Variants in GPR108 observed in about 807,000 individuals in gnomAD.
The protein encoded by GPR108 is G protein-coupled receptor 108.
In GPR108, 60 loss-of-function variants were observed where a neutral mutation model predicts 74.3. The observed-to-expected ratio is 0.81, with a 90% CI of 0.66 to 1.00. The LOEUF is 1.00. Among genes scored for constraint, GPR108 ranks in the 50% least tolerant of loss-of-function variants. The pLI is 0.00. For synonymous variants in GPR108, 311 were observed against 292.4 expected (o/e 1.06, Z -0.65); for missense variants, 667 against 703.3 (o/e 0.95, Z 0.58).
intron 2 of GPR108, among the ~76,000 whole-genome samples, chr19:6,736,390 G>A (rs915416528): frequency 2.0e-5 from 3 of 152,102 alleles, no homozygotes; most frequent in Non-Finnish European, 4.4e-5. Context: ...GAGCCACCGC[G>A]CCCCGCCTGT....
Position 6,732,565 on chromosome 19 carries a change from C to T in GPR108, c.934-16G>A, listed in dbSNP as rs569540051. 4.0e-5 allele frequency: 65 copies of T among 1,607,686 alleles called. No individual in the cohort carries two copies. The highest frequency in any genetic ancestry group is 5.4e-5 in the Non-Finnish European group (63 of 1,175,642). ...AGTAGTTGATCTGGGGGTGGATGGACAGACGGACAGTGAGGCGCACAGAGG... is the reference window on the plus strand; with the variant it reads ...AGTAGTTGATCTGGGGGTGGATGGATAGACGGACAGTGAGGCGCACAGAGG... On this transcript the variant is annotated splice_polypyrimidine_tract_variant and intron_variant, in intron 10 of 17. Transcript: ENST00000264080.
At chr19:6,732,648 G>A in intron 10 of GPR108, 99 bp from the exon 11 acceptor site, 2 of 927,348 alleles carry the variant, frequency 2.2e-6, no homozygotes, top group Non-Finnish European at 3.4e-6. Flanking sequence ...ACCATCAGAT[G>A]GGTGGTCAGA....
intron 4 of GPR108, among the ~76,000 whole-genome samples, chr19:6,735,065 G>T (rs749041850): frequency 3.3e-5 from 5 of 150,556 alleles, no homozygotes; most frequent in Non-Finnish European, 5.9e-5. Flanking sequence ...ACATTTTTTG[G>T]TTTTTTAGTA....
intron 17 of GPR108, chr19:6,730,677 C>A: frequency 1.8e-6 from 1 of 562,674 alleles, no homozygotes; most frequent in Non-Finnish European, 3.2e-6. Flanking sequence ...AGGCCCCACC[C>A]GTTCTACCCG....
intron 17 of GPR108, chr19:6,730,646 AC>A: frequency 3.9e-6 from 1 of 257,346 alleles, no homozygotes. Context: ...GGCCCCGCCC[AC>A]CTTACTGCCA....
Position 6,734,250 on chromosome 19 carries a change from G to A in GPR108, c.432C>T (p.Leu144=). The A allele has an allele frequency of 6.2e-7, 1 of 1,614,184 alleles. No individual in the cohort carries two copies. The highest frequency in any genetic ancestry group is 8.5e-7 in the Non-Finnish European group (1 of 1,180,032). ...GCCCTGGTTTGGAGGGTGCTTCCGG[G>A]AGGAGCCCGGGAAAGATAAACAACG... The part of the protein sequence containing the change: ...QKTLFIFPGL[L]PEAPSKPGLP... The change falls in exon 5 of 18, where the codon CTC becomes CTT. Residue 144 remains leucine, a synonymous_variant. Coordinates refer to ENST00000264080, the MANE Select transcript of GPR108 (RefSeq NM_001080452.2).
In GPR108 at chr19:6,734,282, G is replaced by C; in HGVS notation, c.400C>G (p.Gln134Glu). ...LQVQVRKYGE[Q>E]KTLFIFPGLL... ...CCGGGAAAGATAAACAACGTCTTCT[G>C]CTCTCCATACTTCCGCACCTGGACC... The change falls in exon 5 of 18, where the codon CAG becomes GAG. Residue 134 changes from glutamine to glutamate, a missense_variant. Physicochemically the swap from Gln to Glu is conservative, Grantham distance 29. Coordinates refer to ENST00000264080, the MANE Select transcript of GPR108 (RefSeq NM_001080452.2). 1 of 1,613,928 alleles carries C rather than the reference G, an allele frequency of 6.2e-7. No homozygotes were observed. The highest frequency in any genetic ancestry group is 8.5e-7 in the Non-Finnish European group (1 of 1,179,992).
intron 8 of GPR108, 70 bp from the exon 9 acceptor site, chr19:6,733,371 G>T: frequency 6.6e-7 from 1 of 1,509,420 alleles, no homozygotes; most frequent in Non-Finnish European, 9.1e-7. Flanking sequence ...AGCAGCGAGT[G>T]GGGGTCTCCA....
At chr19:6,731,615 T>C (rs1968406397) in intron 14 of GPR108, 93 bp from the exon 15 acceptor site, 2 of 1,051,168 alleles carry the variant, frequency 1.9e-6, no homozygotes, top group Non-Finnish European at 1.3e-6. Context: ...AAACAGAACA[T>C]CTGAGGGAGT....
Position 6,730,109 on chromosome 19 carries a change from C to T in GPR108, c.*203G>A, listed in dbSNP as rs2063955691. ...CATAGCTGGAAGGGAGGGGTGGTCC[C>T]GGGGTAAGGACAGGGCTGCCCAATA... is the stretch of plus-strand genomic sequence containing the variant. On this transcript the variant is annotated 3_prime_UTR_variant, in exon 18 of 18. Coordinates refer to ENST00000264080, the MANE Select transcript of GPR108 (RefSeq NM_001080452.2). 1.7e-6 allele frequency: 1 copy of T among 594,844 alleles called. No homozygotes were observed. The highest frequency in any genetic ancestry group is 3.0e-5 in the Admixed American group (1 of 33,686). The allele number at this position is 594,844 out of a possible 1,614,324, so 36.8% of individuals were successfully genotyped here.
Position 6,735,919 on chromosome 19 carries a change from G to A in GPR108, c.280C>T (p.Arg94Cys), listed in dbSNP as rs1968617095. 1.1e-5 allele frequency: 17 copies of A among 1,611,706 alleles called. No individual in the cohort carries two copies. The highest frequency in any genetic ancestry group is 1.7e-5 in the Admixed American group (1 of 59,784). Residue 94 changes from arginine to cysteine, a missense_variant, in exon 3 of 18, where the codon CGC becomes TGC. By Grantham distance (180) the Arg-to-Cys change is radical. Transcript: ENST00000264080. ...SLSRVRSGRV[R>C]SYSTRDFQDC... is the part of the protein sequence containing the mutation. ...TGCCCTCCACTCACTGAATAGGAGC[G>A]AACTCTGCCAGACCGAACCCGGCTG...
Position 6,732,109 on chromosome 19 carries a change from C to T in GPR108, c.1172G>A (p.Gly391Asp). 2 of 1,613,928 alleles carry T rather than the reference C, an allele frequency of 1.2e-6. No individual in the cohort carries two copies. Among genetic ancestry groups the T allele is most frequent in the South Asian group, 1.1e-5 (1 of 91,088 alleles). ...AYIIIESREE[G>D]ASDYVLWKEI... Reference sequence around the variant, plus strand: ...CTTCCACAGCACGTAGTCGCTGGCGCCTTCCTCGCGGGACTCGATGATGAT... The same window carrying T: ...CTTCCACAGCACGTAGTCGCTGGCGTCTTCCTCGCGGGACTCGATGATGAT... The change falls in exon 13 of 18, where the codon GGC becomes GAC. Residue 391 changes from glycine to aspartate, a missense_variant. Gly to Asp is a moderately conservative substitution (Grantham distance 94). Transcript: ENST00000264080.
rs778904600 is a variant in GPR108 at position 6,731,271 on chromosome 19, G to T, written c.1362C>A (p.Tyr454Ter). 6.5e-7 allele frequency: 1 copy of T among 1,550,288 alleles called. No individual in the cohort carries two copies. Among genetic ancestry groups the T allele is most frequent in the Middle Eastern group, 1.8e-4 (1 of 5,710 alleles). Residue 454 changes from tyrosine (Y) to a stop codon, truncating the protein, a stop_gained, in exon 16 of 18, where the codon TAC becomes TAA. Transcript: ENST00000264080. LOFTEE classifies it high-confidence loss of function. ...TGGCGATGATGCGGGTGAAGTAGACGTAGCAGATGACCTGCAGGGGCGCGA... is the reference window on the plus strand; with the variant it reads ...TGGCGATGATGCGGGTGAAGTAGACTTAGCAGATGACCTGCAGGGGCGCGA... The part of the protein sequence containing the change: ...FRHYYVMVIC[Y>*]VYFTRIIAIL...
rs776628111 is a variant in GPR108 at position 6,736,586 on chromosome 19, C to G, written c.240+6G>C. ...CTCCTCCAGCAAACTCCTCAAGGTC[C>G]CTCACCAGCAGGGACTTCTCTTCTG... On this transcript the variant is annotated splice_donor_region_variant and intron_variant, in intron 2 of 17. Coordinates refer to ENST00000264080, the MANE Select transcript of GPR108 (RefSeq NM_001080452.2). 1.9e-6 allele frequency: 3 copies of G among 1,612,742 alleles called. No homozygotes were observed. The East Asian group carries it at 6.7e-5, about 36-fold the overall frequency.
At chr19:6,736,893 T>A in intron 1 of GPR108, 182 bp from the exon 2 acceptor site, 1 of 765,754 alleles carries the variant, frequency 1.3e-6, no homozygotes, top group Non-Finnish European at 2.0e-6. Context: ...GGTCCTGCAT[T>A]CTCCGACCTC....
rs1368066173 is a variant in GPR108, at chr19:6,733,261, G to T, written c.764C>A (p.Ala255Glu). The T allele has an allele frequency of 1.2e-6, 2 of 1,613,914 alleles. No homozygotes were observed. Among genetic ancestry groups the T allele is most frequent in the South Asian group, 2.2e-5 (2 of 91,084 alleles). ...GAGCTTGAAAAGGGGCATCTCCGCT[G>T]CCGACAGGAAGCCATCGGGGTTCTT... is the stretch of plus-strand genomic sequence containing the variant. ...REKNPDGFLS[A>E]AEMPLFKLYM... The change falls in exon 9 of 18, where the codon GCA becomes GAA. Residue 255 changes from alanine (A) to glutamate (E), a missense_variant. Physicochemically the swap from Ala to Glu is moderately radical, Grantham distance 107. Transcript: ENST00000264080.
Position 6,731,257 on chromosome 19 carries a change from C to T in GPR108, c.1376G>A (p.Arg459His), listed in dbSNP as rs768125209. 14 of 1,556,646 alleles carry T rather than the reference C, an allele frequency of 9.0e-6. No homozygotes were observed. Among genetic ancestry groups the T allele is most frequent in the African/African-American group, 1.4e-5 (1 of 73,438 alleles). ...CACCTGCAGCAGGATGGCGATGATG[C>T]GGGTGAAGTAGACGTAGCAGATGAC... is the stretch of plus-strand genomic sequence containing the variant. ...VMVICYVYFTRIIAILLQVAV... is the reference protein window; with the variant it reads ...VMVICYVYFTHIIAILLQVAV... The change falls in exon 16 of 18, where the codon CGC (arginine) becomes CAC (histidine). Residue 459 changes from arginine (R) to histidine (H), a missense_variant. Coordinates refer to ENST00000264080, the MANE Select transcript of GPR108 (RefSeq NM_001080452.2).
At chr19:6,732,816 A>G in intron 10 of GPR108, 171 bp downstream of exon 10, 1 of 663,694 alleles carries the variant, frequency 1.5e-6, no homozygotes, top group Non-Finnish European at 2.7e-6. Flanking sequence ...GCTGCCCCGC[A>G]GGACTGGTGG....
intron 2 of GPR108, among the ~76,000 whole-genome samples, 197 bp downstream of exon 2, chr19:6,736,395 G>C (rs1385978460): frequency 6.6e-6 from 1 of 152,102 alleles, no homozygotes; most frequent in Non-Finnish European, 1.5e-5. Context: ...ACCGCGCCCC[G>C]CCTGTCCCCC....
Sources: gnomAD v4.1 joint callset for allele counts (sites outside exome capture counted in the v4.1 genomes callset) on GRCh38, gnomAD v4.1.1 for gene constraint, MANE v1.5 for transcripts, NCBI Gene and HGNC (gene_info 2026-07-23, HGNC 2026-07-21) for gene names.